The following CHSY3 variants were observed in gnomAD, a reference collection of about 807,000 sequenced individuals.
The protein encoded by CHSY3 is chondroitin sulfate synthase 3.
In CHSY3, 35 loss-of-function variants were observed where a neutral mutation model predicts 67.2. That is an observed-to-expected ratio of 0.52 (90% CI 0.40 to 0.69). The LOEUF is 0.69. Among genes scored for constraint, CHSY3 ranks in the 30% least tolerant of loss-of-function variants. The probability of loss-of-function intolerance (pLI) is 0.00; values close to 1 mark genes in which losing one functional copy is unlikely to be tolerated. For synonymous variants in CHSY3, 474 were observed against 434.7 expected, an observed-to-expected ratio of 1.09 and a Z score of -1.12; for missense variants, 1,069 against 1,138.5, an observed-to-expected ratio of 0.94 and a Z score of 0.88.
chr5:130,061,044 A>G (rs772667636), intron 2 of CHSY3, among the ~76,000 whole-genome samples: 4 of 152,148 alleles, frequency 2.6e-5, no homozygotes, highest in Admixed American at 6.6e-5. Flanking sequence ...ATCATTTTTC[A>G]TAGAAGTATA....
At chr5:130,136,160 C>G (rs185244345) in intron 2 of CHSY3, among the ~76,000 whole-genome samples, 1 of 152,172 alleles carries the variant, frequency 6.6e-6, no homozygotes, top group Admixed American at 6.5e-5. Context: ...GTGAGAAAGG[C>G]TTCACCAAGG....
rs73245425 is a variant in CHSY3, at chr5:130,077,606, T to C, written c.1087-106623T>C. The stretch of plus-strand genomic sequence containing the variant: ...ACGAGGAAGAAGAGTTTGAAAGTTA[T>C]TTCTCAATGCATATAATATGTTGTA... On this transcript the variant is annotated intron_variant, in intron 2 of 2. Coordinates refer to ENST00000305031, the MANE Select transcript of CHSY3 (RefSeq NM_175856.5). Among the ~76,000 whole-genome samples, 1,447 of 152,282 alleles carry C rather than the reference T, an allele frequency of 9.5e-3. 22 individuals are homozygous for C. Among genetic ancestry groups the C allele is most frequent in the African/African-American group, 0.033 (1,372 of 41,560 alleles).
intron 2 of CHSY3, among the ~76,000 whole-genome samples, chr5:130,119,930 G>A (rs1767950816): frequency 1.3e-5 from 2 of 151,912 alleles, no homozygotes; most frequent in African/African-American, 2.4e-5. Context: ...TATTTCATTC[G>A]CTAAAAATGT....
At chr5:130,073,473 A>G (rs1375075474) in intron 2 of CHSY3, among the ~76,000 whole-genome samples, 2 of 151,964 alleles carry the variant, frequency 1.3e-5, no homozygotes, top group East Asian at 3.9e-4. Flanking sequence ...TTTTTAGTAG[A>G]GATGGGGTTT....
rs533518110 is a variant in CHSY3 at position 130,033,059 on chromosome 5, C to T, written c.1086+124699C>T. Among the ~76,000 whole-genome samples, 31 of 152,214 alleles carry T rather than the reference C, an allele frequency of 2.0e-4. No homozygotes were observed. In the South Asian group the frequency reaches 6.2e-3, roughly 31 times the overall value. Reference sequence around the variant, plus strand: ...AAGCTGAAGCAGACCCAGATGAAGCCGACAGCTGGAGGCTGCCAACTAACC... The same window carrying T: ...AAGCTGAAGCAGACCCAGATGAAGCTGACAGCTGGAGGCTGCCAACTAACC... On this transcript the variant is annotated intron_variant, in intron 2 of 2. Coordinates refer to ENST00000305031, the MANE Select transcript of CHSY3 (RefSeq NM_175856.5).
intron 2 of CHSY3, among the ~76,000 whole-genome samples, chr5:130,069,431 C>A (rs1765989922): frequency 6.6e-6 from 1 of 151,972 alleles, no homozygotes; most frequent in South Asian, 2.1e-4. Flanking sequence ...TGGAGGATCA[C>A]TTGAGCCCAC....
At chr5:129,920,380 A>C (rs2149582519) in intron 2 of CHSY3, among the ~76,000 whole-genome samples, 1 of 152,266 alleles carries the variant, frequency 6.6e-6, no homozygotes, top group South Asian at 2.1e-4. Context: ...TGAGTAGCTA[A>C]GATTACAGAC....
intron 2 of CHSY3, among the ~76,000 whole-genome samples, chr5:130,021,497 G>A (rs964450905): frequency 1.3e-5 from 2 of 152,062 alleles, no homozygotes; most frequent in East Asian, 3.9e-4. Context: ...TTTCTTGTCA[G>A]TTTCCATGGC....
In CHSY3 at chr5:130,028,934, C is replaced by T. The variant is rs1764632604; in HGVS notation, c.1086+120574C>T. ...ACATCTGCTTCTCCTACTGATTCCT[C>T]ACCACCTCATATCTCTCTCTTCTTT... is the stretch of plus-strand genomic sequence containing the variant. On this transcript the variant is annotated intron_variant, in intron 2 of 2. Transcript: ENST00000305031. Among the ~76,000 whole-genome samples the T allele has an allele frequency of 5.3e-5, 8 of 151,994 alleles. No homozygotes were observed. The South Asian group carries it at 1.7e-3, about 32-fold the overall frequency.
In CHSY3 at chr5:129,911,944, T is replaced by G. The variant is rs558653520; in HGVS notation, c.1086+3584T>G. On this transcript the variant is annotated intron_variant, in intron 2 of 2. Coordinates refer to ENST00000305031, the MANE Select transcript of CHSY3 (RefSeq NM_175856.5). ...GGTGGCGGGCGCCTGTAGTCCCAGC[T>G]ACTTGGGAGGCTGAGGCAGGAGAAT... 1.4e-4 allele frequency among the ~76,000 whole-genome samples: 22 copies of G among 152,154 alleles called. No homozygotes were observed. In the South Asian group the frequency reaches 2.9e-3, roughly 20 times the overall value.
At chr5:130,163,712 A>G (rs1306622395) in intron 2 of CHSY3, among the ~76,000 whole-genome samples, 1 of 152,232 alleles carries the variant, frequency 6.6e-6, no homozygotes, top group Non-Finnish European at 1.5e-5. Flanking sequence ...TTAACAGTTT[A>G]ACTGTGGATG....
chr5:129,930,517 G>T (rs1020176070), intron 2 of CHSY3, among the ~76,000 whole-genome samples: 3 of 142,176 alleles, frequency 2.1e-5, no homozygotes, highest in African/African-American at 7.7e-5. Flanking sequence ...GCGGGGGGGG[G>T]GTATGAAGTT....
At chr5:130,121,994 T>C (rs1221014230) in intron 2 of CHSY3, among the ~76,000 whole-genome samples, 2 of 152,148 alleles carry the variant, frequency 1.3e-5, no homozygotes, top group Non-Finnish European at 2.9e-5. Flanking sequence ...TATTGAGTGC[T>C]TACTTTGTGT....
intron 2 of CHSY3, among the ~76,000 whole-genome samples, chr5:130,129,636 A>G (rs1170472545): frequency 6.6e-6 from 1 of 152,156 alleles, no homozygotes; most frequent in African/African-American, 2.4e-5. Context: ...TTAGAAAATG[A>G]ATATTAAATA....
chr5:130,002,073 T>G, intron 2 of CHSY3: 1 of 937,732 alleles, frequency 1.1e-6, no homozygotes, highest in Non-Finnish European at 1.3e-6. Context: ...GATGAAATTC[T>G]GTTGCCTATA....
Position 129,980,308 on chromosome 5 carries a change from T to A in CHSY3, c.1086+71948T>A, listed in dbSNP as rs189721572. On this transcript the variant is annotated intron_variant, in intron 2 of 2. Transcript: ENST00000305031. ...ATATAGTAGTATCTCATTCTTGTTT[T>A]AATTTGTATTTCCTAATGACATATA... Among the ~76,000 whole-genome samples the A allele has an allele frequency of 9.8e-5, 15 of 152,352 alleles. 1 individual carries two copies. The highest frequency in any genetic ancestry group is 5.9e-4 in the Admixed American group (9 of 15,302).
chr5:129,992,128 A>G (rs1763386490), intron 2 of CHSY3, among the ~76,000 whole-genome samples: 1 of 152,198 alleles, frequency 6.6e-6, no homozygotes, highest in South Asian at 2.1e-4. Flanking sequence ...CAAATCAGCC[A>G]TGTGACCCTG....
intron 2 of CHSY3, among the ~76,000 whole-genome samples, chr5:129,980,336 G>A (rs973047295): frequency 6.6e-6 from 1 of 152,186 alleles, no homozygotes; most frequent in Admixed American, 6.5e-5. Context: ...GACATATAAT[G>A]TGGAGCGTAT....
chr5:130,003,523 A>G (rs990185556), intron 2 of CHSY3, among the ~76,000 whole-genome samples: 18 of 152,192 alleles, frequency 1.2e-4, no homozygotes, highest in Admixed American at 7.2e-4. Flanking sequence ...CCCAAGCACA[A>G]TTGTAATTGG....
Sources: allele counts gnomAD v4.1 joint callset (sites outside exome capture counted in the v4.1 genomes callset), GRCh38; gene constraint gnomAD v4.1.1; transcripts MANE v1.5; gene names NCBI Gene and HGNC (gene_info 2026-07-23, HGNC 2026-07-21).